The following ZDHHC5 variants were observed in gnomAD, a reference collection of about 807,000 sequenced individuals.
The protein encoded by ZDHHC5 is palmitoyltransferase ZDHHC5.
Under a neutral mutation model 70.0 loss-of-function variants are expected in ZDHHC5, and 22 were observed. The observed-to-expected ratio is 0.31, with a 90% confidence interval of 0.22 to 0.45. The LOEUF (loss-of-function observed/expected upper bound fraction) is 0.45. Ranked by LOEUF, ZDHHC5 falls within the 20% of genes least tolerant of loss-of-function variation. The pLI is 1.00. For missense variants in ZDHHC5, 746 were observed against 926.9 expected (o/e 0.80, Z 2.53); for synonymous variants, 313 against 347.8 (o/e 0.90, Z 1.11).
chr11:57,684,060 C>G (rs1056567118), intron 3 of ZDHHC5, among the ~76,000 whole-genome samples: 1 of 135,276 alleles, frequency 7.4e-6, no homozygotes, highest in Admixed American at 8.2e-5. Context: ...CAGCCTTGAC[C>G]CCCCCCTGGC....
At chr11:57,697,557 C>A (rs540744795) in intron 10 of ZDHHC5, among the ~76,000 whole-genome samples, 25 of 149,412 alleles carry the variant, frequency 1.7e-4, no homozygotes, top group Non-Finnish European at 3.7e-4. Context: ...GCAGGAGAAT[C>A]ACTTGAATCT....
At chr11:57,674,057 G>A (rs2135378183) in intron 2 of ZDHHC5, among the ~76,000 whole-genome samples, 1 of 152,314 alleles carries the variant, frequency 6.6e-6, no homozygotes, top group South Asian at 2.1e-4. Context: ...GAAGCCTGGA[G>A]AAGTGAAGGC....
At position 57,668,124 on chromosome 11, in the gene ZDHHC5, G is replaced by A; in HGVS notation, c.-1134G>A. ...GGCCGCGCGCTGCTTCTCTGAGGCA[G>A]GACGGCACTGCCGGGAGGCGGCGGT... On this transcript the variant is annotated 5_prime_UTR_variant, in exon 1 of 12. Transcript: ENST00000287169. The A allele has an allele frequency of 2.7e-6, 1 of 372,904 alleles. No individual in the cohort carries two copies. The allele number at this position is 372,904 out of a possible 1,614,324, so 23.1% of individuals were successfully genotyped here.
rs1405962116 is a variant in ZDHHC5 at position 57,696,805 on chromosome 11, T to C, written c.1054T>C (p.Tyr352His). 1.8e-5 allele frequency: 29 copies of C among 1,613,954 alleles called. No homozygotes were observed. The highest frequency in any genetic ancestry group is 2.3e-5 in the Non-Finnish European group (27 of 1,179,940). The change falls in exon 10 of 12, where the codon TAC becomes CAC. Residue 352 changes from tyrosine (Y) to histidine (H), a missense_variant. Tyr to His is a moderately conservative substitution (Grantham distance 83). This residue lies in a region of ZDHHC5 where 179 missense variants were observed against 178.4 expected (regional missense o/e 1.00). Coordinates refer to ENST00000287169, the MANE Select transcript of ZDHHC5 (RefSeq NM_015457.3). ...GGACAGCCCCCCGACACCTACCATG[T>C]ACAAGTATCGGCCGGGTTACAGTAG... ...AKDSPPTPTM[Y>H]KYRPGYSSSS... is the part of the protein sequence containing the mutation.
rs777412510 is a variant in ZDHHC5, at chr11:57,673,151, G to A, written c.61G>A (p.Ala21Thr). ...PSKYVPVSAA[A>T]IFLVGATTLF... Reference sequence around the variant, plus strand: ...CAAGTATGTCCCGGTCTCTGCAGCCGCCATCTTCCTAGTGGGAGCTACGAC... The same window carrying A: ...CAAGTATGTCCCGGTCTCTGCAGCCACCATCTTCCTAGTGGGAGCTACGAC... The change falls in exon 2 of 12, where the codon GCC becomes ACC. Residue 21 changes from alanine to threonine, a missense_variant. Ala to Thr is a moderately conservative substitution (Grantham distance 58). Coordinates refer to ENST00000287169, the MANE Select transcript of ZDHHC5 (RefSeq NM_015457.3). 2.1e-5 allele frequency: 34 copies of A among 1,613,694 alleles called. No homozygotes were observed. The highest frequency in any genetic ancestry group is 2.6e-5 in the Non-Finnish European group (31 of 1,179,842).
At chr11:57,688,469 C>G in intron 3 of ZDHHC5, 39 bp from the exon 4 acceptor site, 2 of 1,507,014 alleles carry the variant, frequency 1.3e-6, no homozygotes, top group Non-Finnish European at 1.8e-6. Context: ...TACTACAGTT[C>G]TGGCATAGTT....
Position 57,700,179 on chromosome 11 carries a change from T to C in ZDHHC5, c.*148T>C. On this transcript the variant is annotated 3_prime_UTR_variant, in exon 12 of 12. Transcript: ENST00000287169. ...AGAGGATGAGGAGTGTTTTCTAAAA[T>C]GCAGTAGGCTTGGGGAGTCGGAGAG... The C allele has an allele frequency of 9.0e-7, 1 of 1,110,300 alleles. No individual in the cohort carries two copies. Among genetic ancestry groups the C allele is most frequent in the Non-Finnish European group, 1.2e-6 (1 of 811,404 alleles). 68.8% of individuals were successfully genotyped at this position (1,110,300 alleles called of 1,614,324 possible).
At chr11:57,670,469 C>CAA (rs201448292) in intron 1 of ZDHHC5, among the ~76,000 whole-genome samples, 3 of 100,460 alleles carry the variant, frequency 3.0e-5, no homozygotes, top group Admixed American at 1.1e-4. Flanking sequence ...AACTGTGTTT[C>CAA]AAAAAAAAAA....
chr11:57,684,873 C>T (rs1424984016), intron 3 of ZDHHC5, among the ~76,000 whole-genome samples: 1 of 152,034 alleles, frequency 6.6e-6, no homozygotes, highest in East Asian at 1.9e-4. Flanking sequence ...GTAGGCTTGG[C>T]GTGGTGGCTC....
At chr11:57,697,308 A>G (rs1049771943) in intron 10 of ZDHHC5, among the ~76,000 whole-genome samples, 3 of 151,340 alleles carry the variant, frequency 2.0e-5, no homozygotes, top group African/African-American at 7.3e-5. Flanking sequence ...TAAAAATACA[A>G]AAAAATTAGC....
Position 57,676,909 on chromosome 11 carries a change from A to ATTTTTTTTTT in ZDHHC5, c.104+3736_104+3745dup, listed in dbSNP as rs72474322. Among the ~76,000 whole-genome samples, 7 of 80,986 alleles carry ATTTTTTTTTT rather than the reference A, an allele frequency of 8.6e-5. 1 individual carries two copies. Among genetic ancestry groups the ATTTTTTTTTT allele is most frequent in the African/African-American group, 3.7e-4 (7 of 19,108 alleles). The allele number at this position is 80,986 out of a possible 152,430, so 53.1% of individuals were successfully genotyped here. A position where few individuals can be genotyped will look rare whatever the true frequency, so the allele number is the denominator to read the frequency against. Reference sequence around the variant, plus strand: ...CAGGATAAGATCTCTGCTTCACGTGATTTTTTTTTTTTTTTTTTTTTTTTT... The same window carrying ATTTTTTTTTT: ...CAGGATAAGATCTCTGCTTCACGTGATTTTTTTTTTTTTTTTTTTTTTTTTTTTTTTTTTT... On this transcript the variant is annotated intron_variant, in intron 2 of 11. Coordinates refer to ENST00000287169, the MANE Select transcript of ZDHHC5 (RefSeq NM_015457.3).
intron 7 of ZDHHC5, among the ~76,000 whole-genome samples, chr11:57,693,045 C>T (rs974741161): frequency 1.3e-5 from 2 of 151,724 alleles, no homozygotes; most frequent in Non-Finnish European, 1.5e-5. Flanking sequence ...CTGGGTGTGG[C>T]GGCTCACACC....
intron 6 of ZDHHC5, among the ~76,000 whole-genome samples, chr11:57,692,003 T>G (rs1946291384): frequency 6.6e-6 from 1 of 152,138 alleles, no homozygotes; most frequent in South Asian, 2.1e-4. Flanking sequence ...TTTTTTTCTT[T>G]TTTGAGACAG....
At chr11:57,679,481 T>G (rs1366283776) in intron 2 of ZDHHC5, among the ~76,000 whole-genome samples, 1 of 152,144 alleles carries the variant, frequency 6.6e-6, no homozygotes, top group Non-Finnish European at 1.5e-5. Flanking sequence ...CAATTTTATT[T>G]GGTCTTGAAA....
intron 3 of ZDHHC5, among the ~76,000 whole-genome samples, chr11:57,684,191 G>A (rs182791130): frequency 2.0e-5 from 3 of 152,174 alleles, no homozygotes; most frequent in Non-Finnish European, 2.9e-5. Context: ...TGGCCAGGCT[G>A]GTATTGAACT....
intron 2 of ZDHHC5, among the ~76,000 whole-genome samples, chr11:57,682,018 A>G (rs1390506943): frequency 6.6e-6 from 1 of 152,220 alleles, no homozygotes; most frequent in African/African-American, 2.4e-5. Flanking sequence ...TCAATGGGAC[A>G]TAGCTGGGAT....
chr11:57,691,584 G>T (rs1946285544), intron 6 of ZDHHC5, among the ~76,000 whole-genome samples: 1 of 152,060 alleles, frequency 6.6e-6, no homozygotes, highest in African/African-American at 2.4e-5. Context: ...TCAATTGAGA[G>T]ACCCAAACCA....
chr11:57,688,247 C>T (rs1946236621), intron 3 of ZDHHC5, among the ~76,000 whole-genome samples: 1 of 152,188 alleles, frequency 6.6e-6, no homozygotes, highest in South Asian at 2.1e-4. Flanking sequence ...ATAACACCAG[C>T]AGATGCATAC....
chr11:57,669,492 G>A (rs1464742307), intron 1 of ZDHHC5, among the ~76,000 whole-genome samples: 4 of 152,242 alleles, frequency 2.6e-5, no homozygotes, highest in East Asian at 3.9e-4. Flanking sequence ...GTCTGGCTCT[G>A]TCGCCCAGGC....
Sources: gnomAD v4.1 joint callset for allele counts (sites outside exome capture counted in the v4.1 genomes callset) on GRCh38, gnomAD v4.1.1 for gene constraint, gnomAD v4.1.1 regional missense constraint, MANE v1.5 for transcripts, NCBI Gene and HGNC (gene_info 2026-07-23, HGNC 2026-07-21) for gene names.